TSNARE1: variants seen among roughly 807,000 people sequenced by gnomAD.
TSNARE1 encodes the protein t-SNARE domain-containing protein 1.
TSNARE1 carries 49 observed loss-of-function variants against 62.0 expected under a neutral mutation model. The observed-to-expected ratio is 0.79, with a 90% confidence interval of 0.63 to 1.00. The LOEUF (loss-of-function observed/expected upper bound fraction) is 1.00, where lower values mean the gene tolerates loss of function less well. Among genes scored for constraint, TSNARE1 ranks in the 50% least tolerant of loss-of-function variants. The pLI, the probability that TSNARE1 is intolerant of heterozygous loss-of-function variation, is 0.00. For missense variants in TSNARE1, 755 were observed against 700.1 expected (o/e 1.08, Z -0.88); for synonymous variants, 328 against 294.4 (o/e 1.11, Z -1.17).
At chr8:142,387,767 A>G (rs535357574) in intron 1 of TSNARE1, among the ~76,000 whole-genome samples, 15 of 152,308 alleles carry the variant, frequency 9.8e-5, no homozygotes, top group African/African-American at 3.6e-4. Flanking sequence ...TCATCCTCAA[A>G]ACGAAAACAA....
chr8:142,272,771 GACTTC>G (rs1819812725), intron 12 of TSNARE1: 2 of 964,170 alleles, frequency 2.1e-6, no homozygotes, highest in Middle Eastern at 5.3e-4. Flanking sequence ...ACGCAGAGGC[GACTTC>G]ACAGACACCT....
chr8:142,322,016 G>T (rs576668935), intron 6 of TSNARE1, among the ~76,000 whole-genome samples: 1 of 152,110 alleles, frequency 6.6e-6, no homozygotes, highest in Non-Finnish European at 1.5e-5. Context: ...TTAGAAAAAC[G>T]AATTCAACAA....
At chr8:142,240,457 T>TA (rs1270096432) in intron 12 of TSNARE1, among the ~76,000 whole-genome samples, 1 of 151,072 alleles carries the variant, frequency 6.6e-6, no homozygotes, top group Non-Finnish European at 1.5e-5. Flanking sequence ...CAAAAAGAGG[T>TA]AAAAATACCG....
intron 12 of TSNARE1, among the ~76,000 whole-genome samples, chr8:142,261,703 A>T (rs1818897821): frequency 6.6e-6 from 1 of 152,008 alleles, no homozygotes; most frequent in African/African-American, 2.4e-5. Flanking sequence ...TCCTTTAACG[A>T]TTGCGTTTTC....
chr8:142,283,916 G>C (rs1181191999), intron 11 of TSNARE1, among the ~76,000 whole-genome samples: 1 of 139,206 alleles, frequency 7.2e-6, no homozygotes, highest in African/African-American at 2.5e-5. Context: ...GTGTCTGTCA[G>C]TGAGGGGAGC....
intron 9 of TSNARE1, among the ~76,000 whole-genome samples, chr8:142,307,670 T>C (rs1054595358): frequency 6.6e-6 from 1 of 152,200 alleles, no homozygotes; most frequent in Non-Finnish European, 1.5e-5. Flanking sequence ...TTAAAAATAT[T>C]TTCAGTCTGA....
At chr8:142,348,222 A>G (rs923150499) in intron 2 of TSNARE1, among the ~76,000 whole-genome samples, 21 of 152,256 alleles carry the variant, frequency 1.4e-4, no homozygotes, top group African/African-American at 4.3e-4. Flanking sequence ...TCTTCCACGC[A>G]CCACATTCGC....
intron 12 of TSNARE1, among the ~76,000 whole-genome samples, chr8:142,256,208 T>C (rs1586870812): frequency 8.9e-5 from 3 of 33,536 alleles, no homozygotes; most frequent in Admixed American, 2.9e-4. Flanking sequence ...ACCACCACTG[T>C]CACCATCACC....
chr8:142,243,844 AT>A (rs1309829489), intron 12 of TSNARE1, among the ~76,000 whole-genome samples: 1 of 152,266 alleles, frequency 6.6e-6, no homozygotes, highest in African/African-American at 2.4e-5. Flanking sequence ...TCAAAACATT[AT>A]ATTGTATACC....
intron 2 of TSNARE1, among the ~76,000 whole-genome samples, chr8:142,350,732 A>T (rs888007908): frequency 6.6e-6 from 1 of 152,250 alleles, no homozygotes; most frequent in African/African-American, 2.4e-5. Context: ...TAATTACAAT[A>T]AAAAGGGTTT....
intron 12 of TSNARE1, among the ~76,000 whole-genome samples, chr8:142,263,563 T>G (rs1448266262): frequency 2.6e-5 from 4 of 152,222 alleles, no homozygotes; most frequent in Admixed American, 2.6e-4. Flanking sequence ...TTTGGAAGGT[T>G]TGTGTAAGAC....
At chr8:142,241,519 A>G (rs931318008) in intron 12 of TSNARE1, among the ~76,000 whole-genome samples, 2 of 152,226 alleles carry the variant, frequency 1.3e-5, no homozygotes, top group African/African-American at 4.8e-5. Flanking sequence ...TAAAATTTGT[A>G]TGGAACCACA....
intron 12 of TSNARE1, among the ~76,000 whole-genome samples, chr8:142,249,405 C>A (rs1336487225): frequency 6.6e-6 from 1 of 152,108 alleles, no homozygotes; most frequent in Non-Finnish European, 1.5e-5. Flanking sequence ...CAGCCCTGAC[C>A]CAGCAGGAGG....
chr8:142,318,722 C>T (rs1828979043), intron 6 of TSNARE1, 88 bp from the exon 7 acceptor site: 7 of 1,293,676 alleles, frequency 5.4e-6, no homozygotes, highest in Non-Finnish European at 6.7e-6. Context: ...AGCAGGGACG[C>T]ACGGGCCGAG....
chr8:142,385,569 G>C (rs1050025340), intron 1 of TSNARE1, among the ~76,000 whole-genome samples: 6 of 152,192 alleles, frequency 3.9e-5, no homozygotes, highest in Non-Finnish European at 7.3e-5. Context: ...ACAAGAGGGA[G>C]TGAGGTAGAA....
intron 9 of TSNARE1, among the ~76,000 whole-genome samples, chr8:142,306,378 C>T (rs993948294): frequency 3.9e-5 from 6 of 152,232 alleles, no homozygotes; most frequent in Non-Finnish European, 8.8e-5. Context: ...GAAATGTAGG[C>T]TGAGGTGGCC....
intron 4 of TSNARE1, among the ~76,000 whole-genome samples, chr8:142,337,822 A>G (rs1471235502): frequency 4.6e-5 from 7 of 152,272 alleles, no homozygotes; most frequent in Non-Finnish European, 4.4e-5. Context: ...CCATTCCCAC[A>G]TATCCCACGG....
chr8:142,280,208 G>A (rs1396405608), intron 11 of TSNARE1: 20 of 985,272 alleles, frequency 2.0e-5, no homozygotes, highest in South Asian at 4.7e-5. Context: ...GTCTTGGTGC[G>A]GGAGTGGGGG....
chr8:142,214,766 C>T (rs1275113321), intron 13 of TSNARE1, among the ~76,000 whole-genome samples: 1 of 152,188 alleles, frequency 6.6e-6, no homozygotes. Flanking sequence ...GATCCAGGCC[C>T]CAAGAGCTCC....
Sources: allele counts gnomAD v4.1 joint callset (sites outside exome capture counted in the v4.1 genomes callset), GRCh38; gene constraint gnomAD v4.1.1; transcripts MANE v1.5; gene names NCBI Gene and HGNC (gene_info 2026-07-23, HGNC 2026-07-21).